GPC6: variants seen among roughly 807,000 people sequenced by gnomAD.
GPC6 encodes the protein glypican 6.
GPC6 carries 14 observed loss-of-function variants against 55.2 expected under a neutral mutation model. The observed-to-expected ratio is 0.25, with a 90% CI of 0.17 to 0.40. The LOEUF (loss-of-function observed/expected upper bound fraction) is 0.40. GPC6 is among the 10% of genes least tolerant of loss of function. The pLI, the probability that GPC6 is intolerant of heterozygous loss-of-function variation, is 1.00. For synonymous variants in GPC6, 278 were observed against 259.6 expected, an observed-to-expected ratio of 1.07 and a Z score of -0.68; for missense variants, 641 against 708.5, an observed-to-expected ratio of 0.90 and a Z score of 1.08.
chr13:93,653,163 G>T (rs957277778), intron 2 of GPC6, among the ~76,000 whole-genome samples: 4 of 151,980 alleles, frequency 2.6e-5, no homozygotes, highest in African/African-American at 9.7e-5. Flanking sequence ...AGTGGTTTGC[G>T]CACCTCAGTT....
chr13:94,380,394 A>G (rs1277015756), intron 6 of GPC6, among the ~76,000 whole-genome samples: 1 of 152,224 alleles, frequency 6.6e-6, no homozygotes, highest in Non-Finnish European at 1.5e-5. Flanking sequence ...TACGTAGAAC[A>G]AATAAAATGT....
intron 2 of GPC6, among the ~76,000 whole-genome samples, chr13:93,575,269 G>A (rs970508541): frequency 6.6e-6 from 1 of 152,044 alleles, no homozygotes; most frequent in Admixed American, 6.6e-5. Context: ...CCAGCCTGGG[G>A]TATAGAACGA....
At chr13:93,889,991 GA>G (rs201844189) in intron 3 of GPC6, among the ~76,000 whole-genome samples, 6 of 150,582 alleles carry the variant, frequency 4.0e-5, no homozygotes, top group East Asian at 3.9e-4. Context: ...TTCTACGCAG[GA>G]AAAAAAAATA....
chr13:94,258,134 A>G (rs1313184090), intron 4 of GPC6, among the ~76,000 whole-genome samples: 1 of 152,184 alleles, frequency 6.6e-6, no homozygotes, highest in Non-Finnish European at 1.5e-5. Context: ...CTGTTTCTAG[A>G]ATTTTTGTTG....
At chr13:93,788,558 C>A (rs531418745) in intron 2 of GPC6, among the ~76,000 whole-genome samples, 1 of 140,898 alleles carries the variant, frequency 7.1e-6, no homozygotes, top group Non-Finnish European at 1.6e-5. Flanking sequence ...GTCTGCTTGA[C>A]AAAATCTCTT....
chr13:94,164,654 G>A (rs1029119986), intron 4 of GPC6, among the ~76,000 whole-genome samples: 1 of 151,978 alleles, frequency 6.6e-6, no homozygotes, highest in Non-Finnish European at 1.5e-5. Context: ...CCTCTTCCTG[G>A]GATAATAATT....
chr13:94,099,413 G>T (rs1885774907), intron 4 of GPC6, among the ~76,000 whole-genome samples: 1 of 151,884 alleles, frequency 6.6e-6, no homozygotes, highest in Admixed American at 6.6e-5. Flanking sequence ...GTTATTCATG[G>T]GTATTTTTTG....
intron 2 of GPC6, among the ~76,000 whole-genome samples, chr13:93,790,090 C>T (rs1337987036): frequency 6.6e-6 from 1 of 152,108 alleles, no homozygotes; most frequent in Non-Finnish European, 1.5e-5. Flanking sequence ...AACAGAATGT[C>T]AGTTAATGAA....
At chr13:94,076,960 GTTT>G (rs56870429) in intron 4 of GPC6, among the ~76,000 whole-genome samples, 3,044 of 126,072 alleles carry the variant, frequency 0.024, 65 homozygotes, top group African/African-American at 0.065. Context: ...TGGTGCTTCT[GTTT>G]TTTTTTTTTT....
chr13:94,186,662 GA>G (rs1051237147), intron 4 of GPC6, among the ~76,000 whole-genome samples: 1 of 151,946 alleles, frequency 6.6e-6, no homozygotes, highest in Non-Finnish European at 1.5e-5. Flanking sequence ...GCACTTTAAA[GA>G]AAAAAATGAC....
At chr13:94,083,360 C>T (rs766028426) in intron 4 of GPC6, among the ~76,000 whole-genome samples, 12 of 152,278 alleles carry the variant, frequency 7.9e-5, no homozygotes, top group African/African-American at 2.4e-4. Flanking sequence ...CCTTGTGATG[C>T]GCCCACCTTG....
intron 4 of GPC6, among the ~76,000 whole-genome samples, chr13:94,239,728 G>A (rs538560429): frequency 8.5e-5 from 13 of 152,210 alleles, no homozygotes; most frequent in African/African-American, 2.9e-4. Context: ...AAAGTTAAGC[G>A]TTGCCTTGCT....
chr13:93,397,951 G>T (rs1875923970), intron 1 of GPC6, among the ~76,000 whole-genome samples: 1 of 152,132 alleles, frequency 6.6e-6, no homozygotes, highest in Admixed American at 6.5e-5. Flanking sequence ...ATCTGAAAGG[G>T]ATTATATGAA....
intron 2 of GPC6, among the ~76,000 whole-genome samples, chr13:93,763,301 A>G (rs927529771): frequency 2.0e-5 from 3 of 152,236 alleles, no homozygotes; most frequent in African/African-American, 7.2e-5. Context: ...TTGATTCCCT[A>G]TGATGCATGG....
intron 1 of GPC6, among the ~76,000 whole-genome samples, chr13:93,434,822 T>G (rs1379903279): frequency 2.0e-5 from 3 of 152,110 alleles, no homozygotes; most frequent in Non-Finnish European, 2.9e-5. Flanking sequence ...TTCTCCTGCC[T>G]CCGCCTCCCA....
intron 2 of GPC6, among the ~76,000 whole-genome samples, chr13:93,580,729 G>A (rs1285461198): frequency 6.6e-6 from 1 of 152,062 alleles, no homozygotes; most frequent in African/African-American, 2.4e-5. Flanking sequence ...TTCAAAATTA[G>A]TTTATCCTTG....
intron 4 of GPC6, among the ~76,000 whole-genome samples, chr13:94,029,282 C>T (rs1163121131): frequency 6.6e-6 from 1 of 152,178 alleles, no homozygotes; most frequent in East Asian, 1.9e-4. Flanking sequence ...CCTCTCCCCA[C>T]AGTGGGAGGA....
At chr13:93,769,553 C>G (rs1488059247) in intron 2 of GPC6, among the ~76,000 whole-genome samples, 1 of 152,168 alleles carries the variant, frequency 6.6e-6, no homozygotes, top group Non-Finnish European at 1.5e-5. Flanking sequence ...CACTGCTTTC[C>G]TCTTGCACTC....
intron 4 of GPC6, among the ~76,000 whole-genome samples, chr13:94,042,018 T>A (rs1320877160): frequency 6.6e-6 from 1 of 151,850 alleles, no homozygotes; most frequent in Non-Finnish European, 1.5e-5. Flanking sequence ...AGGTGGGGCC[T>A]GGTTGGAGAT....
Sources: gnomAD v4.1 joint callset for allele counts (sites outside exome capture counted in the v4.1 genomes callset) on GRCh38, gnomAD v4.1.1 for gene constraint, MANE v1.5 for transcripts, NCBI Gene and HGNC (gene_info 2026-07-23, HGNC 2026-07-21) for gene names.